ZFHX3: variants seen among roughly 807,000 people sequenced by gnomAD.
The protein encoded by ZFHX3 is zinc finger homeobox protein 3.
In ZFHX3, 42 loss-of-function variants were observed where a neutral mutation model predicts 279.1. The observed-to-expected ratio is 0.15, with a 90% CI of 0.12 to 0.19. The LOEUF is 0.19. Among genes scored for constraint, ZFHX3 ranks in the 10% least tolerant of loss-of-function variants. The pLI, the probability that ZFHX3 is intolerant of heterozygous loss-of-function variation, is 1.00. For missense variants in ZFHX3, 4,981 were observed against 4,754.0 expected (o/e 1.05, Z -1.40); for synonymous variants, 2,293 against 1,957.8 (o/e 1.17, Z -4.52).
chr16:73,770,385 C>A (rs1247664526), intron 1 of ZFHX3, among the ~76,000 whole-genome samples: 2 of 152,174 alleles, frequency 1.3e-5, no homozygotes, highest in African/African-American at 4.8e-5. Context: ...CCACGAAGAC[C>A]CATTTTGAAC....
chr16:73,801,190 C>A (rs368365480), intron 1 of ZFHX3, among the ~76,000 whole-genome samples: 202 of 152,212 alleles, frequency 1.3e-3, no homozygotes, highest in African/African-American at 4.8e-3. Context: ...TTATTTTCAT[C>A]GGCTGCCTTT....
intron 8 of ZFHX3, among the ~76,000 whole-genome samples, chr16:73,085,985 C>CAAAAAAAAAAAAA (rs57128744): frequency 9.2e-5 from 5 of 54,218 alleles, no homozygotes; most frequent in East Asian, 5.8e-4. Context: ...AACTCAATTG[C>CAAAAAAAAAAAAA]AAAAAAAAAA....
chr16:73,754,954 A>G, intron 1 of ZFHX3, among the ~76,000 whole-genome samples: 1 of 152,286 alleles, frequency 6.6e-6, no homozygotes, highest in Non-Finnish European at 1.5e-5. Context: ...ACTTATTGAA[A>G]GTTTACTATA....
At chr16:73,775,275 A>G (rs1280148539) in intron 1 of ZFHX3, among the ~76,000 whole-genome samples, 1 of 152,252 alleles carries the variant, frequency 6.6e-6, no homozygotes, top group Non-Finnish European at 1.5e-5. Context: ...CCTTCTTCCT[A>G]TTAAAAATGG....
chr16:73,428,011 A>G (rs1168716912), intron 3 of ZFHX3, among the ~76,000 whole-genome samples: 2 of 152,166 alleles, frequency 1.3e-5, no homozygotes. Flanking sequence ...GACACAAATT[A>G]TCCCTTAGAA....
intron 3 of ZFHX3, among the ~76,000 whole-genome samples, chr16:73,340,477 C>A (rs1414133520): frequency 2.0e-5 from 3 of 152,234 alleles, no homozygotes; most frequent in Admixed American, 6.5e-5. Context: ...CCACCTCAGC[C>A]TCCTGAGTAG....
chr16:72,787,281 G>A lies in ZFHX3; in HGVS notation c.10995C>T (p.Asp3665=). The change falls in exon 10 of 10, where the codon GAC becomes GAT. Residue 3665 remains aspartate (D), a synonymous_variant. Transcript: ENST00000268489. ...CGTCGGACTTTTGGCTGAGATCCGT[G>A]TCAGACTCCTCCGAATAGTCGTCTG... ...MPTDDYSEES[D]TDLSQKSDGP... 6.2e-7 allele frequency: 1 copy of A among 1,614,016 alleles called. No homozygotes were observed.
intron 5 of ZFHX3, among the ~76,000 whole-genome samples, chr16:73,213,873 G>C (rs1028030799): frequency 6.6e-6 from 1 of 152,106 alleles, no homozygotes; most frequent in African/African-American, 2.4e-5. Flanking sequence ...TCAGAAGATG[G>C]CTCTCCTATT....
At position 73,652,636 on chromosome 16, in the gene ZFHX3, T is replaced by A. The variant is rs76801714; in HGVS notation, c.-1547+27544A>T. 9.9e-4 allele frequency among the ~76,000 whole-genome samples: 150 copies of A among 152,272 alleles called. 3 individuals carry two copies. The East Asian group carries it at 0.022, about 22-fold the overall frequency. ...GACACATGTATGACAAAATTATGTA[T>A]GTTTGAAAGGGAGTAAATGAAGTTA... On this transcript the variant is annotated intron_variant, in intron 2 of 17. Coordinates refer to the ZFHX3 transcript ENST00000641206.
At chr16:72,799,050 G>T (rs1006500080) in intron 8 of ZFHX3, among the ~76,000 whole-genome samples, 51 of 152,202 alleles carry the variant, frequency 3.4e-4, no homozygotes, top group African/African-American at 1.1e-3. Context: ...TTTCTCAAGA[G>T]CTGGTTTGAA....
intron 1 of ZFHX3, among the ~76,000 whole-genome samples, chr16:73,719,023 G>T (rs2053446859): frequency 6.6e-6 from 1 of 152,170 alleles, no homozygotes; most frequent in African/African-American, 2.4e-5. Flanking sequence ...GCTTAAGGCT[G>T]CCTGATTCTT....
rs528608970 is a variant in ZFHX3 at position 73,416,131 on chromosome 16, A to C, written c.-1291+39872T>G. On this transcript the variant is annotated intron_variant, in intron 3 of 17. Coordinates refer to the ZFHX3 transcript ENST00000641206. ...GAGCAAGACTCCATCTCAAAAAAAA[A>C]AAAAAAACAAAAAACGGAAAACAAA... Among the ~76,000 whole-genome samples the C allele has an allele frequency of 7.9e-5, 12 of 151,432 alleles. No homozygotes were observed. The South Asian group carries it at 8.3e-4, about 11-fold the overall frequency.
intron 8 of ZFHX3, among the ~76,000 whole-genome samples, chr16:72,799,509 G>A (rs2036028517): frequency 6.6e-6 from 1 of 152,178 alleles, no homozygotes. Context: ...CAGCCTCACA[G>A]AGGTCTAACC....
chr16:72,950,815 T>C lies in ZFHX3; in HGVS notation c.2870A>G (p.Asn957Ser), dbSNP rs143781722. ...CATGTGCAGGCCCAGCATGTCCAGG[T>C]TGTCCGTCGTGAACTTGTTGCAGAC... ...CAVCNKFTTD[N>S]LDMLGLHMNV... The change falls in exon 3 of 10, where the codon AAC becomes AGC. Residue 957 changes from asparagine to serine, a missense_variant. This residue lies in a region of ZFHX3 where 1,751 missense variants were observed against 1,770.0 expected (regional missense o/e 0.99). Coordinates refer to ENST00000268489, the MANE Select transcript of ZFHX3 (RefSeq NM_006885.4). The C allele has an allele frequency of 1.7e-3, 2,768 of 1,614,196 alleles. 5 individuals are homozygous for C. Among genetic ancestry groups the C allele is most frequent in the Non-Finnish European group, 2.0e-3 (2,418 of 1,180,040 alleles).
intron 3 of ZFHX3, among the ~76,000 whole-genome samples, chr16:72,936,216 T>A (rs1960116431): frequency 6.6e-6 from 1 of 152,158 alleles, no homozygotes; most frequent in African/African-American, 2.4e-5. Context: ...GGCTCTACCT[T>A]ATGAAATGCC....
intron 4 of ZFHX3, among the ~76,000 whole-genome samples, chr16:73,283,109 T>C (rs960950134): frequency 1.3e-5 from 2 of 152,242 alleles, no homozygotes; most frequent in Non-Finnish European, 2.9e-5. Flanking sequence ...AACTCTCAAC[T>C]TCTCCATTGC....
At chr16:73,466,827 T>A (rs2018582693) in intron 2 of ZFHX3, among the ~76,000 whole-genome samples, 1 of 152,128 alleles carries the variant, frequency 6.6e-6, no homozygotes, top group Non-Finnish European at 1.5e-5. Context: ...TATTCTGAAA[T>A]TTTTAGAATG....
At chr16:73,415,032 A>G (rs764372679) in intron 3 of ZFHX3, among the ~76,000 whole-genome samples, 2 of 152,142 alleles carry the variant, frequency 1.3e-5, no homozygotes, top group African/African-American at 2.4e-5. Flanking sequence ...CCCATGATCA[A>G]TTCCTGGGTG....
At position 73,476,283 on chromosome 16, in the gene ZFHX3, G is replaced by C. The variant is rs112097486; in HGVS notation, c.-1546-20025C>G. On this transcript the variant is annotated intron_variant, in intron 2 of 17. Coordinates refer to the ZFHX3 transcript ENST00000641206. ...TTTTTTGAGCACTCTATTCTTTCGA[G>C]ATTTTGATTAAATATATCCAACTGG... 2.1e-4 allele frequency among the ~76,000 whole-genome samples: 32 copies of C among 152,008 alleles called. 1 individual carries two copies. The highest frequency in any genetic ancestry group is 6.8e-4 in the African/African-American group (28 of 41,478).
Sources: allele counts gnomAD v4.1 joint callset (sites outside exome capture counted in the v4.1 genomes callset), GRCh38; gene constraint gnomAD v4.1.1; regional missense constraint gnomAD v4.1.1; transcripts MANE v1.5; gene names NCBI Gene and HGNC (gene_info 2026-07-23, HGNC 2026-07-21).